TCEANC2: variants seen among roughly 807,000 people sequenced by gnomAD.
TCEANC2 encodes transcription elongation factor A N-terminal and central domain-containing protein 2.
Under a neutral mutation model 22.8 loss-of-function variants are expected in TCEANC2, and 20 were observed. The ratio of observed to expected loss-of-function variants is 0.88; its 90% confidence interval spans 0.62 to 1.28. TCEANC2 has a LOEUF of 1.28. Ranked by LOEUF, TCEANC2 falls within the 50% of genes most tolerant of loss-of-function variation. TCEANC2 has a pLI of 0.00. For missense variants in TCEANC2, 251 were observed against 249.7 expected, an observed-to-expected ratio of 1.01 and a Z score of -0.03; for synonymous variants, 84 against 95.5, an observed-to-expected ratio of 0.88 and a Z score of 0.70.
At chr1:54,059,579 G>A (rs1168767277) in intron 2 of TCEANC2, among the ~76,000 whole-genome samples, 5 of 152,232 alleles carry the variant, frequency 3.3e-5, no homozygotes, top group African/African-American at 1.2e-4. Context: ...CTCTAAGGGA[G>A]TTAATCCTTC....
chr1:54,088,462 T>C, intron 3 of TCEANC2, 135 bp from the exon 4 acceptor site: 1 of 606,472 alleles, frequency 1.6e-6, no homozygotes, highest in Non-Finnish European at 2.7e-6. Flanking sequence ...GAAATGGGTT[T>C]CTTTTGCACA....
Position 54,068,771 on chromosome 1 carries a change from G to C in TCEANC2, c.118G>C (p.Glu40Gln). The change falls in exon 3 of 5, where the codon GAA (glutamate) becomes CAA (glutamine). Residue 40 changes from glutamate to glutamine, a missense_variant. Physicochemically the swap from Glu to Gln is conservative, Grantham distance 29. Coordinates refer to ENST00000234827, the MANE Select transcript of TCEANC2 (RefSeq NM_153035.3). ...IESLKRVVVV[E>Q]DIKRWKTMLE... ...TTTTTCCCAGAGAGTTGTGGTTGTAGAAGACATAAAAAGATGGAAAACTAT... is the reference window on the plus strand; with the variant it reads ...TTTTTCCCAGAGAGTTGTGGTTGTACAAGACATAAAAAGATGGAAAACTAT... The C allele has an allele frequency of 8.7e-6, 14 of 1,604,632 alleles. No homozygotes were observed. Among genetic ancestry groups the C allele is most frequent in the Non-Finnish European group, 1.2e-5 (14 of 1,177,572 alleles).
intron 4 of TCEANC2, among the ~76,000 whole-genome samples, chr1:54,095,206 G>T (rs1359949985): frequency 6.6e-6 from 1 of 152,180 alleles, no homozygotes; most frequent in African/African-American, 2.4e-5. Context: ...GAAGCTCAGG[G>T]CATGGTGGCA....
chr1:54,062,315 G>A lies in TCEANC2; in HGVS notation c.103-6441G>A, dbSNP rs112352334. Among the ~76,000 whole-genome samples the A allele has an allele frequency of 3.6e-3, 548 of 152,198 alleles. 2 individuals are homozygous for A. The highest frequency in any genetic ancestry group is 0.012 in the African/African-American group (507 of 41,514). On this transcript the variant is annotated intron_variant, in intron 2 of 4. Coordinates refer to ENST00000234827, the MANE Select transcript of TCEANC2 (RefSeq NM_153035.3). The stretch of plus-strand genomic sequence containing the variant: ...TTGATATTTTGTGTCCATTTCTCTT[G>A]TTCCTCCAAATAATTTGAGCAATCT...
chr1:54,084,151 T>G (rs1658295437), intron 3 of TCEANC2, among the ~76,000 whole-genome samples: 2 of 152,072 alleles, frequency 1.3e-5, no homozygotes, highest in Admixed American at 6.5e-5. Context: ...TAGCTGGAAT[T>G]ATAGGCATTC....
chr1:54,106,665 T>C (rs1376630926), downstream of TCEANC2, among the ~76,000 whole-genome samples: 1 of 152,070 alleles, frequency 6.6e-6, no homozygotes, highest in Non-Finnish European at 1.5e-5. Context: ...TGAGACATAT[T>C]GTTAAGTGAA....
At chr1:54,077,545 G>T (rs536090157) in intron 3 of TCEANC2, among the ~76,000 whole-genome samples, 15 of 152,180 alleles carry the variant, frequency 9.9e-5, no homozygotes, top group African/African-American at 3.4e-4. Flanking sequence ...ACACTGAACT[G>T]GTTGCCAGTT....
chr1:54,057,667 G>A (rs1180341030), intron 2 of TCEANC2, among the ~76,000 whole-genome samples: 1 of 151,986 alleles, frequency 6.6e-6, no homozygotes, highest in Non-Finnish European at 1.5e-5. Context: ...AGAGAAATAT[G>A]TCTCAAATAG....
chr1:54,078,063 AC>A (rs1013594154), intron 3 of TCEANC2, among the ~76,000 whole-genome samples: 17 of 152,334 alleles, frequency 1.1e-4, no homozygotes, highest in African/African-American at 4.1e-4. Flanking sequence ...CTTAAATCTT[AC>A]AAATTTAAGA....
intron 3 of TCEANC2, among the ~76,000 whole-genome samples, chr1:54,074,771 T>A (rs1034393003): frequency 6.6e-6 from 1 of 152,174 alleles, no homozygotes; most frequent in Admixed American, 6.5e-5. Context: ...TAGGACCGTT[T>A]CAAAAGTAAG....
Position 54,104,462 on chromosome 1 carries a change from T to G in TCEANC2, c.*7989T>G, listed in dbSNP as rs1443981786. ...CATCAGGAGGAGGTACAGCTGCTGT[T>G]AAGCAATGGAGGGAAGGGAGGTATA... On this transcript the variant is annotated 3_prime_UTR_variant, in exon 5 of 5. Coordinates refer to ENST00000234827, the MANE Select transcript of TCEANC2 (RefSeq NM_153035.3). 1 of 366,872 alleles carries G rather than the reference T, an allele frequency of 2.7e-6. No individual in the cohort carries two copies. Among genetic ancestry groups the G allele is most frequent in the East Asian group, 7.5e-5 (1 of 13,322 alleles). 22.7% of individuals were successfully genotyped at this position (366,872 alleles called of 1,614,324 possible). A position where few individuals can be genotyped will look rare whatever the true frequency, so the allele number is the denominator to read the frequency against.
At chr1:54,067,067 T>C (rs927477285) in intron 2 of TCEANC2, among the ~76,000 whole-genome samples, 1 of 152,198 alleles carries the variant, frequency 6.6e-6, no homozygotes, top group Non-Finnish European at 1.5e-5. Flanking sequence ...ATTTTTTCAC[T>C]TGGAGAACTT....
intron 2 of TCEANC2, among the ~76,000 whole-genome samples, chr1:54,064,962 A>G (rs1657922841): frequency 6.6e-6 from 1 of 152,162 alleles, no homozygotes; most frequent in African/African-American, 2.4e-5. Context: ...GGCCTCCCAT[A>G]GTGCCGGGAT....
At chr1:54,080,902 A>T (rs577469218) in intron 3 of TCEANC2, among the ~76,000 whole-genome samples, 6 of 152,190 alleles carry the variant, frequency 3.9e-5, no homozygotes, top group Admixed American at 2.6e-4. Flanking sequence ...CAGATCATTA[A>T]CTTCCTTGAT....
At chr1:54,076,191 G>A (rs1290611986) in intron 3 of TCEANC2, among the ~76,000 whole-genome samples, 1 of 151,874 alleles carries the variant, frequency 6.6e-6, no homozygotes, top group East Asian at 1.9e-4. Flanking sequence ...ATATTATTTC[G>A]TTACCCAGGT....
Position 54,104,779 on chromosome 1 carries a change from C to T in TCEANC2, c.*8306C>T. On this transcript the variant is annotated 3_prime_UTR_variant, in exon 5 of 5. Coordinates refer to ENST00000234827, the MANE Select transcript of TCEANC2 (RefSeq NM_153035.3). ...CTAGTTTTGAACTTCTGGCCTCAAG[C>T]AGTCCACCTGCCTCAGCTTCCCAAA... is the stretch of plus-strand genomic sequence containing the variant. 1 of 432,198 alleles carries T rather than the reference C, an allele frequency of 2.3e-6. No homozygotes were observed. Among genetic ancestry groups the T allele is most frequent in the Non-Finnish European group, 4.7e-6 (1 of 212,102 alleles). 26.8% of individuals were successfully genotyped at this position (432,198 alleles called of 1,614,324 possible).
intron 2 of TCEANC2, among the ~76,000 whole-genome samples, chr1:54,066,579 T>A (rs1657959921): frequency 6.6e-6 from 1 of 152,186 alleles, no homozygotes; most frequent in African/African-American, 2.4e-5. Context: ...GGAAAGAAAC[T>A]GCCTAATAGG....
chr1:54,096,825 T>A lies in TCEANC2; in HGVS notation c.*352T>A, dbSNP rs1488131943. The A allele has an allele frequency of 1.1e-5, 11 of 1,012,282 alleles. No homozygotes were observed. The highest frequency in any genetic ancestry group is 1.3e-5 in the Non-Finnish European group (11 of 846,840). 62.7% of individuals were successfully genotyped at this position (1,012,282 alleles called of 1,614,324 possible). A position where few individuals can be genotyped will look rare whatever the true frequency, so the allele number is the denominator to read the frequency against. ...CATGTCAGTCAGATGAAGTTACTAC[T>A]ATATTTCACCACCCTGCAGGTAACT... On this transcript the variant is annotated 3_prime_UTR_variant, in exon 5 of 5. Coordinates refer to ENST00000234827, the MANE Select transcript of TCEANC2 (RefSeq NM_153035.3). This position sits in a 1 kb window ranked among gnomAD's most constrained non-coding sequence, Gnocchi z 4.9.
intron 3 of TCEANC2, among the ~76,000 whole-genome samples, chr1:54,071,632 C>T (rs372241221): frequency 1.8e-4 from 28 of 152,240 alleles, no homozygotes; most frequent in East Asian, 7.7e-4. Context: ...CACAGACCAA[C>T]GCCGATACAG....
Sources: allele counts gnomAD v4.1 joint callset (sites outside exome capture counted in the v4.1 genomes callset), GRCh38; gene constraint gnomAD v4.1.1; non-coding constraint Gnocchi (gnomAD v3.1); transcripts MANE v1.5; gene names NCBI Gene and HGNC (gene_info 2026-07-23, HGNC 2026-07-21).